Variants in SGCZ observed in about 807,000 individuals in gnomAD.
The protein encoded by SGCZ is zeta-sarcoglycan.
SGCZ carries 40 observed loss-of-function variants against 41.3 expected under a neutral mutation model. The ratio of observed to expected loss-of-function variants is 0.97; its 90% CI spans 0.75 to 1.26. SGCZ has a LOEUF of 1.26. Ranked by LOEUF, SGCZ falls within the 50% of genes most tolerant of loss-of-function variation. The pLI, the probability that SGCZ is intolerant of heterozygous loss-of-function variation, is 0.00. For synonymous variants in SGCZ, 206 were observed against 137.5 expected, an observed-to-expected ratio of 1.50 and a Z score of -3.49; for missense variants, 552 against 369.8, an observed-to-expected ratio of 1.49 and a Z score of -4.04.
intron 1 of SGCZ, among the ~76,000 whole-genome samples, chr8:14,634,118 C>T (rs933546326): frequency 6.6e-6 from 1 of 151,740 alleles, no homozygotes; most frequent in African/African-American, 2.4e-5. Flanking sequence ...AGCTATTCTA[C>T]TGTGATATTC....
intron 2 of SGCZ, among the ~76,000 whole-genome samples, chr8:14,368,098 CA>C (rs775688166): frequency 2.6e-5 from 4 of 151,954 alleles, no homozygotes; most frequent in East Asian, 1.9e-4. Context: ...CCCAGTGTAA[CA>C]TTTTTTTTAA....
intron 2 of SGCZ, among the ~76,000 whole-genome samples, chr8:14,495,028 G>A (rs949800462): frequency 6.6e-6 from 1 of 152,114 alleles, no homozygotes; most frequent in African/African-American, 2.4e-5. Flanking sequence ...GGTTTCTGGA[G>A]CTCCCATTCT....
intron 1 of SGCZ, among the ~76,000 whole-genome samples, chr8:14,890,308 A>T (rs1804965472): frequency 6.6e-6 from 1 of 152,144 alleles, no homozygotes; most frequent in African/African-American, 2.4e-5. Flanking sequence ...AACGAAAGAA[A>T]AGAAAAAGTT....
chr8:14,729,388 T>G (rs111283897), intron 1 of SGCZ, among the ~76,000 whole-genome samples: 8 of 152,182 alleles, frequency 5.3e-5, no homozygotes, highest in African/African-American at 1.4e-4. Flanking sequence ...ATTGAAACCC[T>G]AAACTTCAAT....
chr8:15,066,052 TA>T (rs1387440088), intron 1 of SGCZ, among the ~76,000 whole-genome samples: 3 of 152,178 alleles, frequency 2.0e-5, no homozygotes, highest in African/African-American at 7.2e-5. Context: ...CTCACGCCTG[TA>T]ATCCCAGCAC....
intron 3 of SGCZ, among the ~76,000 whole-genome samples, chr8:14,285,907 A>G (rs1800606060): frequency 6.6e-6 from 1 of 152,140 alleles, no homozygotes; most frequent in Non-Finnish European, 1.5e-5. Context: ...AAAAGGAGAC[A>G]TCCTATGATT....
intron 1 of SGCZ, among the ~76,000 whole-genome samples, chr8:14,781,802 C>T (rs1405844421): frequency 6.6e-6 from 1 of 152,130 alleles, no homozygotes; most frequent in Non-Finnish European, 1.5e-5. Flanking sequence ...ACAACACTTA[C>T]ATTAACCTAT....
intron 4 of SGCZ, among the ~76,000 whole-genome samples, chr8:14,200,840 T>G (rs182882409): frequency 2.6e-5 from 4 of 152,182 alleles, no homozygotes; most frequent in East Asian, 3.9e-4. Context: ...AACAGACTGT[T>G]AAAGGAATGA....
chr8:14,379,661 T>C (rs1358682372), intron 2 of SGCZ, among the ~76,000 whole-genome samples: 5 of 152,076 alleles, frequency 3.3e-5, no homozygotes, highest in Non-Finnish European at 7.4e-5. Flanking sequence ...AGGCAAACAC[T>C]ATTATAGATT....
intron 5 of SGCZ, among the ~76,000 whole-genome samples, chr8:14,146,246 T>C (rs917532232): frequency 2.0e-5 from 3 of 152,178 alleles, no homozygotes; most frequent in African/African-American, 7.2e-5. Context: ...AGCCAACTCT[T>C]TCAGTGGAAA....
intron 1 of SGCZ, among the ~76,000 whole-genome samples, chr8:15,042,764 T>A (rs1804153385): frequency 6.6e-6 from 1 of 152,146 alleles, no homozygotes; most frequent in Admixed American, 6.5e-5. Context: ...CATCACAAAA[T>A]TCTGTTTAGT....
chr8:14,645,434 C>A (rs1807175262), intron 1 of SGCZ, among the ~76,000 whole-genome samples: 1 of 132,634 alleles, frequency 7.5e-6, no homozygotes, highest in East Asian at 2.4e-4. Context: ...TTGCAGGTTT[C>A]TTTATGACCA....
intron 2 of SGCZ, among the ~76,000 whole-genome samples, chr8:14,344,257 T>G (rs1298251082): frequency 6.6e-6 from 1 of 151,876 alleles, no homozygotes; most frequent in African/African-American, 2.4e-5. Context: ...CTATTTTAAT[T>G]GAAGAATAAT....
At chr8:15,083,769 T>C (rs1035312688) in intron 1 of SGCZ, among the ~76,000 whole-genome samples, 1 of 152,082 alleles carries the variant, frequency 6.6e-6, no homozygotes, top group Non-Finnish European at 1.5e-5. Context: ...TTTTGTCTTG[T>C]TTTGTTTTGA....
chr8:14,399,336 A>C (rs1799007076), intron 2 of SGCZ, among the ~76,000 whole-genome samples: 1 of 152,126 alleles, frequency 6.6e-6, no homozygotes, highest in East Asian at 1.9e-4. Context: ...TTTTCATCTT[A>C]CCAGTAGAAT....
At chr8:14,594,414 C>T (rs988096440) in intron 1 of SGCZ, among the ~76,000 whole-genome samples, 5 of 151,784 alleles carry the variant, frequency 3.3e-5, no homozygotes, top group Non-Finnish European at 7.4e-5. Context: ...TATAATATTT[C>T]TGTCACTTTC....
chr8:14,695,852 G>T (rs1430198736), intron 1 of SGCZ, among the ~76,000 whole-genome samples: 1 of 151,948 alleles, frequency 6.6e-6, no homozygotes, highest in East Asian at 1.9e-4. Context: ...ACAAGACAAA[G>T]GCATTGCTAG....
intron 1 of SGCZ, among the ~76,000 whole-genome samples, chr8:14,756,467 G>C (rs185300309): frequency 6.6e-6 from 1 of 152,248 alleles, no homozygotes; most frequent in Admixed American, 6.5e-5. Context: ...TTACAGGCTT[G>C]AGCCACCACG....
intron 1 of SGCZ, among the ~76,000 whole-genome samples, chr8:15,211,329 T>A (rs1228960092): frequency 6.6e-6 from 1 of 151,954 alleles, no homozygotes; most frequent in Non-Finnish European, 1.5e-5. Context: ...TAGGCTTCAA[T>A]TCACAATTAA....
Sources: allele counts gnomAD v4.1 joint callset (sites outside exome capture counted in the v4.1 genomes callset), GRCh38; gene constraint gnomAD v4.1.1; transcripts MANE v1.5; gene names NCBI Gene and HGNC (gene_info 2026-07-23, HGNC 2026-07-21).